Variants in NPHP1 observed in about 807,000 individuals in gnomAD.
NPHP1 encodes nephrocystin-1.
In NPHP1, 70 loss-of-function variants were observed where a neutral mutation model predicts 90.4. That is an observed-to-expected ratio of 0.77 (90% CI 0.64 to 0.95). The LOEUF is 0.95. Among genes scored for constraint, NPHP1 ranks in the 40% least tolerant of loss-of-function variants. The pLI, the probability that NPHP1 is intolerant of heterozygous loss-of-function variation, is 0.00. For synonymous variants in NPHP1, 256 were observed against 271.7 expected (o/e 0.94, Z 0.57); for missense variants, 764 against 795.9 (o/e 0.96, Z 0.48).
chr2:110,184,376 C>T (rs200493180), intron 2 of NPHP1: 9 of 612,394 alleles, frequency 1.5e-5, no homozygotes, highest in Admixed American at 2.3e-5. Context: ...AGGAGCATCT[C>T]GTGCTCCTCA....
intron 9 of NPHP1, among the ~76,000 whole-genome samples, chr2:110,162,516 C>T (rs1682419901): frequency 6.6e-6 from 1 of 152,044 alleles, no homozygotes; most frequent in Admixed American, 6.5e-5. Context: ...ACCCCTTGTC[C>T]CCCAGCATGA....
At chr2:110,184,213 A>G (rs982204772) in intron 2 of NPHP1, 2 of 570,622 alleles carry the variant, frequency 3.5e-6, no homozygotes, top group Non-Finnish European at 3.5e-6. Flanking sequence ...GGAGCCCTTG[A>G]AGGTGACATC....
chr2:110,142,589 C>T (rs148800005), intron 16 of NPHP1, among the ~76,000 whole-genome samples: 115 of 151,924 alleles, frequency 7.6e-4, no homozygotes, highest in African/African-American at 2.5e-3. Flanking sequence ...TGGCCTCAAG[C>T]GATTCTACCA....
In NPHP1 at chr2:110,185,343, C is replaced by A. The variant is rs145884677; in HGVS notation, c.144-5659G>T. 6.6e-5 allele frequency among the ~76,000 whole-genome samples: 10 copies of A among 152,256 alleles called. No homozygotes were observed. The East Asian group carries it at 1.5e-3, about 24-fold the overall frequency. On this transcript the variant is annotated intron_variant, in intron 2 of 19. Coordinates refer to ENST00000445609, the MANE Select transcript of NPHP1 (RefSeq NM_001128178.3). ...GCCATGTGGCCCAGGGACCCCAGGT[C>A]CAGAAAGGATGAGGAACTACCCACG...
chr2:110,192,637 A>T (rs1684833591), intron 2 of NPHP1, among the ~76,000 whole-genome samples: 4 of 152,256 alleles, frequency 2.6e-5, no homozygotes, highest in Admixed American at 2.0e-4. Context: ...CCAACATTCA[A>T]ATTCAGGAAA....
intron 16 of NPHP1, among the ~76,000 whole-genome samples, chr2:110,136,162 G>A (rs1050004203): frequency 6.6e-6 from 1 of 152,052 alleles, no homozygotes; most frequent in African/African-American, 2.4e-5. Flanking sequence ...AGGTATTGAT[G>A]GGACGTATCT....
chr2:110,154,832 A>G (rs993656183), intron 11 of NPHP1, among the ~76,000 whole-genome samples: 9 of 152,182 alleles, frequency 5.9e-5, no homozygotes, highest in African/African-American at 1.4e-4. Context: ...AAAGGTTTGG[A>G]AAGTTTGCAA....
intron 11 of NPHP1, among the ~76,000 whole-genome samples, chr2:110,153,048 T>C (rs2104516180): frequency 6.6e-6 from 1 of 151,824 alleles, no homozygotes; most frequent in East Asian, 1.9e-4. Context: ...ACAACGAAAA[T>C]ACCTTGAAAA....
chr2:110,160,287 T>C (rs1184550601), intron 10 of NPHP1, 32 bp from the exon 11 acceptor site: 2 of 1,528,908 alleles, frequency 1.3e-6, no homozygotes, highest in Non-Finnish European at 1.8e-6. Context: ...AAAAAGTTTA[T>C]TTTTATGATT....
At chr2:110,162,342 A>G (rs1682404780) in intron 9 of NPHP1, among the ~76,000 whole-genome samples, 1 of 152,078 alleles carries the variant, frequency 6.6e-6, no homozygotes, top group Non-Finnish European at 1.5e-5. Flanking sequence ...AGTAAGGGAA[A>G]CCCACATTAC....
At chr2:110,183,369 G>A (rs1025879018) in intron 2 of NPHP1, among the ~76,000 whole-genome samples, 11 of 152,278 alleles carry the variant, frequency 7.2e-5, no homozygotes, top group African/African-American at 2.6e-4. Flanking sequence ...TGTTCCTGTT[G>A]CAGATAACTA....
chr2:110,177,401 T>C (rs1683575911), intron 4 of NPHP1, among the ~76,000 whole-genome samples: 1 of 152,134 alleles, frequency 6.6e-6, no homozygotes, highest in African/African-American at 2.4e-5. Flanking sequence ...TTTCTTTTGC[T>C]TCCCACAAAT....
intron 9 of NPHP1, 151 bp from the exon 10 acceptor site, chr2:110,161,848 T>C: frequency 1.6e-6 from 1 of 610,966 alleles, no homozygotes; most frequent in Non-Finnish European, 2.9e-6. Flanking sequence ...AGCGCCAATA[T>C]AGATTTATGG....
intron 6 of NPHP1, among the ~76,000 whole-genome samples, chr2:110,166,107 G>A (rs1682710710): frequency 6.6e-6 from 1 of 152,180 alleles, no homozygotes; most frequent in Non-Finnish European, 1.5e-5. Flanking sequence ...AGCCATCACT[G>A]GCAATTGTGT....
At chr2:110,155,050 C>T (rs950800048) in intron 11 of NPHP1, among the ~76,000 whole-genome samples, 6 of 152,118 alleles carry the variant, frequency 3.9e-5, no homozygotes, top group South Asian at 2.1e-4. Flanking sequence ...TGGGCCAGGC[C>T]GAGGGTCCCC....
intron 2 of NPHP1, chr2:110,184,783 A>G (rs1249300926): frequency 4.2e-6 from 3 of 710,056 alleles, no homozygotes; most frequent in Non-Finnish European, 7.9e-6. Context: ...CACTAGAGAC[A>G]GAGAAGGCTC....
intron 11 of NPHP1, among the ~76,000 whole-genome samples, chr2:110,157,010 T>C (rs1681947834): frequency 6.6e-6 from 1 of 152,042 alleles, no homozygotes; most frequent in Non-Finnish European, 1.5e-5. Context: ...CTCTTGACCA[T>C]GTGCTCTGCC....
intron 2 of NPHP1, among the ~76,000 whole-genome samples, chr2:110,192,033 T>C (rs903697814): frequency 3.3e-5 from 5 of 151,836 alleles, no homozygotes; most frequent in African/African-American, 1.2e-4. Flanking sequence ...AGACCAAAGG[T>C]AGATAAAACC....
chr2:110,191,153 A>C (rs563776657), intron 2 of NPHP1, among the ~76,000 whole-genome samples: 14 of 152,254 alleles, frequency 9.2e-5, no homozygotes, highest in African/African-American at 3.1e-4. Context: ...ACTAGGGACT[A>C]TCAGACAGTG....
Sources: gnomAD v4.1 joint callset for allele counts (sites outside exome capture counted in the v4.1 genomes callset) on GRCh38, gnomAD v4.1.1 for gene constraint, MANE v1.5 for transcripts, NCBI Gene and HGNC (gene_info 2026-07-23, HGNC 2026-07-21) for gene names.